NUP205: variants seen among roughly 807,000 people sequenced by gnomAD.
NUP205 encodes the protein nucleoporin 205, also known as nuclear pore complex protein Nup205.
Under a neutral mutation model 253.8 loss-of-function variants are expected in NUP205, and 76 were observed. The observed-to-expected ratio is 0.30, with a 90% CI of 0.25 to 0.36. The LOEUF is 0.36. Among genes scored for constraint, NUP205 ranks in the 10% least tolerant of loss-of-function variants. The probability of loss-of-function intolerance (pLI) is 1.00; values close to 1 mark genes in which losing one functional copy is unlikely to be tolerated. For synonymous variants in NUP205, 832 were observed against 850.1 expected (o/e 0.98, Z 0.37); for missense variants, 2,162 against 2,425.5 (o/e 0.89, Z 2.28).
chr7:135,648,436 A>G lies in NUP205; in HGVS notation c.5919A>G (p.Glu1973=). ...CTGATGCAATCAACGCTTTTGGAGA[A>G]TCACTACAAAAGAAACTTCTGGACA... The part of the protein sequence containing the change: ...LQADAINAFG[E]SLQKKLLDIE... Residue 1973 remains glutamate (E), a synonymous_variant, in exon 43 of 43, where the codon GAA becomes GAG. Coordinates refer to ENST00000285968, the MANE Select transcript of NUP205 (RefSeq NM_015135.3). 6.2e-7 allele frequency: 1 copy of G among 1,600,132 alleles called. No individual in the cohort carries two copies. The highest frequency in any genetic ancestry group is 8.5e-7 in the Non-Finnish European group (1 of 1,175,764).
Position 135,567,154 on chromosome 7 carries a change from A to G in NUP205, c.29-3951A>G, listed in dbSNP as rs1238912964. ...TATATATATATATATATATATATAT[A>G]TATATATATATATATATATATATAT... On this transcript the variant is annotated intron_variant, in intron 1 of 42. Transcript: ENST00000285968. 5.4e-4 allele frequency among the ~76,000 whole-genome samples: 50 copies of G among 93,434 alleles called. 2 individuals carry two copies. The highest frequency in any genetic ancestry group is 3.7e-3 in the South Asian group (12 of 3,206). 61.3% of individuals were successfully genotyped at this position (93,434 alleles called of 152,430 possible). A position where few individuals can be genotyped will look rare whatever the true frequency, so the allele number is the denominator to read the frequency against.
At chr7:135,602,136 C>A (rs776334182) in intron 17 of NUP205, among the ~76,000 whole-genome samples, 3 of 152,160 alleles carry the variant, frequency 2.0e-5, no homozygotes, top group Non-Finnish European at 2.9e-5. Context: ...ATTACCTCTA[C>A]TTAATGTGGC....
At chr7:135,586,347 TTTATTGATC>T (rs1806464543) in intron 8 of NUP205, among the ~76,000 whole-genome samples, 1 of 152,158 alleles carries the variant, frequency 6.6e-6, no homozygotes, top group Non-Finnish European at 1.5e-5. Context: ...TTGCTTGAAG[TTTATTGATC>T]TTATTGATCT....
chr7:135,632,284 GAC>G (rs60437261), intron 35 of NUP205, among the ~76,000 whole-genome samples: 5,193 of 152,286 alleles, frequency 0.034, 117 homozygotes, highest in Middle Eastern at 0.1. Flanking sequence ...TTGATTGGAA[GAC>G]ACAGCAGTCT....
chr7:135,563,408 T>C lies in NUP205; in HGVS notation c.28+5436T>C, dbSNP rs774775161. ...TTCGCTGTGTTGGCCAGGACGGTCT[T>C]GATCTCCTGACCTCGTGATGTGGCC... is the stretch of plus-strand genomic sequence containing the variant. On this transcript the variant is annotated intron_variant, in intron 1 of 42. Transcript: ENST00000285968. Among the ~76,000 whole-genome samples, 108 of 152,030 alleles carry C rather than the reference T, an allele frequency of 7.1e-4. 1 individual carries two copies. The highest frequency in any genetic ancestry group is 1.3e-3 in the African/African-American group (55 of 41,352).
intron 37 of NUP205, among the ~76,000 whole-genome samples, 180 bp from the exon 38 acceptor site, chr7:135,638,377 T>C (rs1381420679): frequency 7.1e-6 from 1 of 141,808 alleles, no homozygotes; most frequent in African/African-American, 2.7e-5. Context: ...ATCACGCCAC[T>C]GCATTCCAGC....
intron 22 of NUP205, among the ~76,000 whole-genome samples, chr7:135,612,280 T>G (rs1336923752): frequency 2.0e-5 from 3 of 152,100 alleles, no homozygotes; most frequent in Non-Finnish European, 4.4e-5. Context: ...CCTGCAAGTG[T>G]CTGGTTCCAA....
At chr7:135,628,138 T>A in intron 34 of NUP205, 27 bp downstream of exon 34, 1 of 1,591,450 alleles carries the variant, frequency 6.3e-7, no homozygotes, top group Non-Finnish European at 8.6e-7. Context: ...GTTTAGATAT[T>A]GTCTAGAGCA....
At position 135,645,518 on chromosome 7, in the gene NUP205, T is replaced by G. The variant is rs914860604; in HGVS notation, c.5734T>G (p.Leu1912Val). The change falls in exon 41 of 43, where the codon TTG (leucine) becomes GTG (valine). Residue 1912 changes from leucine to valine, a missense_variant. Leu to Val is a conservative substitution (Grantham distance 32, BLOSUM62 1). This residue lies in a region of NUP205 where 1,144 missense variants were observed against 1,280.9 expected (regional missense o/e 0.89). Coordinates refer to ENST00000285968, the MANE Select transcript of NUP205 (RefSeq NM_015135.3). ...TCTTTGGCGCCATCTGGAGTACTAC[T>G]TGTTACATTGCATGCCCACGGATTC... The part of the protein sequence containing the change: ...FILWRHLEYY[L>V]LHCMPTDSQD... 2 of 1,613,942 alleles carry G rather than the reference T, an allele frequency of 1.2e-6. No individual in the cohort carries two copies. The highest frequency in any genetic ancestry group is 2.7e-5 in the African/African-American group (2 of 74,946).
chr7:135,638,482 C>T, intron 37 of NUP205, 75 bp from the exon 38 acceptor site: 11 of 1,240,780 alleles, frequency 8.9e-6, no homozygotes, highest in South Asian at 2.8e-5. Context: ...ACCTTTTCTT[C>T]TTCAAATCTC....
intron 26 of NUP205, 82 bp downstream of exon 26, chr7:135,617,329 GT>G (rs1794383928): frequency 7.5e-7 from 1 of 1,326,938 alleles, no homozygotes; most frequent in African/African-American, 1.5e-5. Context: ...AACCATATAG[GT>G]TTTCTTTCTG....
intron 7 of NUP205, among the ~76,000 whole-genome samples, chr7:135,582,722 A>C (rs1192624198): frequency 6.6e-6 from 1 of 152,110 alleles, no homozygotes; most frequent in African/African-American, 2.4e-5. Context: ...GTCTTGGCTA[A>C]GTGTTGGGAT....
Position 135,622,760 on chromosome 7 carries a change from T to G in NUP205, c.4331-17T>G. On this transcript the variant is annotated splice_polypyrimidine_tract_variant and intron_variant, in intron 30 of 42. Coordinates refer to ENST00000285968, the MANE Select transcript of NUP205 (RefSeq NM_015135.3). ...TGCTTTTTACTGGAGTGTTTTTTTC[T>G]GTTTTAATCCTTTTAGCCAAGAAAA... The G allele has an allele frequency of 6.2e-7, 1 of 1,611,834 alleles. No individual in the cohort carries two copies. The highest frequency in any genetic ancestry group is 8.5e-7 in the Non-Finnish European group (1 of 1,179,012).
chr7:135,562,545 CTTTTTT>C (rs34482653), intron 1 of NUP205, among the ~76,000 whole-genome samples: 1 of 97,394 alleles, frequency 1.0e-5, no homozygotes. Context: ...GACCAAAATC[CTTTTTT>C]TTTTTTTTTT....
chr7:135,622,720 A>C (rs961464522), intron 30 of NUP205, 57 bp from the exon 31 acceptor site: 2 of 1,494,166 alleles, frequency 1.3e-6, no homozygotes, highest in Admixed American at 3.7e-5. Flanking sequence ...AGGTATAATT[A>C]CTCAGTTATT....
At chr7:135,636,192 C>G (rs1398352706) in intron 36 of NUP205, among the ~76,000 whole-genome samples, 1 of 152,100 alleles carries the variant, frequency 6.6e-6, no homozygotes, top group African/African-American at 2.4e-5. Context: ...CTGGGAGCCT[C>G]TTGGCCTGGT....
intron 30 of NUP205, among the ~76,000 whole-genome samples, chr7:135,621,799 C>A (rs1260524530): frequency 2.0e-5 from 3 of 151,874 alleles, no homozygotes; most frequent in Non-Finnish European, 4.4e-5. Context: ...GCTAAATTTT[C>A]TTTTCTTTTC....
chr7:135,643,622 T>C (rs576480512), intron 39 of NUP205, among the ~76,000 whole-genome samples: 45 of 152,274 alleles, frequency 3.0e-4, no homozygotes, highest in Middle Eastern at 3.4e-3. Flanking sequence ...GGGTCATTTA[T>C]ACTCTAAAAT....
chr7:135,570,046 T>TAGAGAG (rs1343013772), intron 1 of NUP205, among the ~76,000 whole-genome samples: 9 of 102,386 alleles, frequency 8.8e-5, no homozygotes, highest in South Asian at 3.4e-4. Flanking sequence ...TATATATATA[T>TAGAGAG]ATATATAGAG....
Sources: gnomAD v4.1 joint callset for allele counts (sites outside exome capture counted in the v4.1 genomes callset) on GRCh38, gnomAD v4.1.1 for gene constraint, gnomAD v4.1.1 regional missense constraint, MANE v1.5 for transcripts, NCBI Gene and HGNC (gene_info 2026-07-23, HGNC 2026-07-21) for gene names.